The following CACNA2D2 variants were observed in gnomAD, a reference collection of about 807,000 sequenced individuals.
The protein encoded by CACNA2D2 is voltage-dependent calcium channel subunit alpha-2/delta-2.
In CACNA2D2, 48 loss-of-function variants were observed where a neutral mutation model predicts 166.4. The observed-to-expected ratio is 0.29, with a 90% CI of 0.23 to 0.37. CACNA2D2 has a LOEUF of 0.37. Ranked by LOEUF, CACNA2D2 falls within the 10% of genes least tolerant of loss-of-function variation. The pLI, the probability that CACNA2D2 is intolerant of heterozygous loss-of-function variation, is 1.00. For synonymous variants in CACNA2D2, 561 were observed against 573.7 expected (o/e 0.98, Z 0.32); for missense variants, 1,122 against 1,433.0 (o/e 0.78, Z 3.50).
chr3:50,443,946 C>A (rs1229178579), intron 2 of CACNA2D2, among the ~76,000 whole-genome samples: 1 of 152,180 alleles, frequency 6.6e-6, no homozygotes, highest in African/African-American at 2.4e-5. Context: ...ATGGAGCTCT[C>A]ATGTGAGATG....
intron 2 of CACNA2D2, among the ~76,000 whole-genome samples, chr3:50,470,260 A>C (rs1710010055): frequency 6.6e-6 from 1 of 152,200 alleles, no homozygotes; most frequent in Non-Finnish European, 1.5e-5. Flanking sequence ...GGAAGAGAGG[A>C]GGCCTGACAG....
In CACNA2D2 at chr3:50,403,813, C is replaced by G. The variant is rs1372318615; in HGVS notation, c.406-9645G>C. Reference sequence around the variant, plus strand: ...AAGCCTGGAGTGTCCTTTCTCATCCCCTCCCCTGGCTAGCTCCTCCTCATC... The same window carrying G: ...AAGCCTGGAGTGTCCTTTCTCATCCGCTCCCCTGGCTAGCTCCTCCTCATC... On this transcript the variant is annotated intron_variant, in intron 3 of 37. Coordinates refer to ENST00000424201, the MANE Select transcript of CACNA2D2 (RefSeq NM_006030.4). Among the ~76,000 whole-genome samples, 4 of 152,230 alleles carry G rather than the reference C, an allele frequency of 2.6e-5. No individual in the cohort carries two copies. The East Asian group carries it at 5.8e-4, about 22-fold the overall frequency.
At chr3:50,419,559 C>T (rs1043587383) in intron 3 of CACNA2D2, among the ~76,000 whole-genome samples, 4 of 152,120 alleles carry the variant, frequency 2.6e-5, no homozygotes, top group Non-Finnish European at 5.9e-5. Context: ...CCATTGGGCT[C>T]GGGAGTGAAC....
chr3:50,395,083 T>C (rs1706081610), intron 3 of CACNA2D2, among the ~76,000 whole-genome samples: 1 of 152,208 alleles, frequency 6.6e-6, no homozygotes, highest in Non-Finnish European at 1.5e-5. Flanking sequence ...CTCCCAAGGA[T>C]GGAACTGAGT....
At chr3:50,421,555 G>A (rs1376626136) in intron 3 of CACNA2D2, among the ~76,000 whole-genome samples, 1 of 152,062 alleles carries the variant, frequency 6.6e-6, no homozygotes, top group East Asian at 1.9e-4. Flanking sequence ...CACCTGACTC[G>A]TGGTGGGGAT....
chr3:50,446,206 G>C (rs1048943421), intron 2 of CACNA2D2, among the ~76,000 whole-genome samples: 3 of 152,232 alleles, frequency 2.0e-5, no homozygotes, highest in African/African-American at 7.2e-5. Flanking sequence ...TTGTTGCCAG[G>C]TTTGGGGGCT....
At chr3:50,450,351 A>ACCCC (rs1709039637) in intron 2 of CACNA2D2, among the ~76,000 whole-genome samples, 1 of 57,378 alleles carries the variant, frequency 1.7e-5, no homozygotes, top group African/African-American at 7.1e-5. Flanking sequence ...CGCCTCCCCT[A>ACCCC]CCCTGCCCCC....
In CACNA2D2 at chr3:50,376,090, CT is replaced by C. The variant is rs1559886320; in HGVS notation, c.1701+23del. ...CCCCATTGTGGAAGGTTTGCCCACCCTCCAGGCCACCCGTCTGGCTCACCTG... is the reference window on the plus strand; with the variant it reads ...CCCCATTGTGGAAGGTTTGCCCACCCCCAGGCCACCCGTCTGGCTCACCTG... On this transcript the variant is annotated intron_variant, in intron 18 of 37. Transcript: ENST00000424201. This position sits in a 1 kb window ranked among gnomAD's most constrained non-coding sequence, Gnocchi z 4.3. The C allele has an allele frequency of 6.2e-7, 1 of 1,613,364 alleles. No homozygotes were observed. The highest frequency in any genetic ancestry group is 2.2e-5 in the East Asian group (1 of 44,892).
In CACNA2D2 at chr3:50,481,846, A is replaced by C. The variant is rs736472; in HGVS notation, c.207-5647T>G. 6.8e-3 allele frequency among the ~76,000 whole-genome samples: 1,033 copies of C among 152,082 alleles called. 8 individuals are homozygous for C. Among genetic ancestry groups the C allele is most frequent in the African/African-American group, 0.023 (966 of 41,462 alleles). ...CCCTGTCTCTACAAAAAATACAAAA[A>C]TTATCTGGGTGTGGTATCGTACACC... On this transcript the variant is annotated intron_variant, in intron 1 of 37. Coordinates refer to ENST00000424201, the MANE Select transcript of CACNA2D2 (RefSeq NM_006030.4).
At chr3:50,447,312 C>A (rs558760910) in intron 2 of CACNA2D2, among the ~76,000 whole-genome samples, 1 of 152,180 alleles carries the variant, frequency 6.6e-6, no homozygotes, top group African/African-American at 2.4e-5. Flanking sequence ...GCCCCCTTCT[C>A]GTGGTCAGGT....
rs375779773 is a variant in CACNA2D2, at chr3:50,381,046, G to A, written c.733C>T (p.Leu245=). ...FMENRRQDPT[L]LWQVFGSATG... ...GCGCTGCCGAAGACCTGCCACAGCA[G>A]TGTGGGGTCTTGTCTGCGGTTTTCC... is the stretch of plus-strand genomic sequence containing the variant. The change falls in exon 7 of 38, where the codon CTG becomes TTG. Residue 245 remains leucine, a synonymous_variant. Coordinates refer to ENST00000424201, the MANE Select transcript of CACNA2D2 (RefSeq NM_006030.4). 6.8e-6 allele frequency: 11 copies of A among 1,613,860 alleles called. No homozygotes were observed. In the African/African-American group the frequency reaches 8.0e-5, roughly 12 times the overall value.
rs540281956 is a variant in CACNA2D2 at position 50,458,284 on chromosome 3, C to T, written c.288+17834G>A. On this transcript the variant is annotated intron_variant, in intron 2 of 37. Transcript: ENST00000424201. ...GAGAGAACCAGGCTGCTCAAGTGTCCCTGTGAGGCTAGCTGAGCTGCCTCT... is the reference window on the plus strand; with the variant it reads ...GAGAGAACCAGGCTGCTCAAGTGTCTCTGTGAGGCTAGCTGAGCTGCCTCT... 2.6e-5 allele frequency among the ~76,000 whole-genome samples: 4 copies of T among 152,304 alleles called. No homozygotes were observed. The South Asian group carries it at 8.3e-4, about 32-fold the overall frequency.
At chr3:50,374,981 G>A (rs587757073) in intron 21 of CACNA2D2, among the ~76,000 whole-genome samples, 168 bp from the exon 22 acceptor site, 5 of 152,166 alleles carry the variant, frequency 3.3e-5, no homozygotes, top group South Asian at 4.1e-4. Context: ...TCTAGGGGCC[G>A]GCACCCTGGA....
At chr3:50,382,090 TG>T (rs1705353206) in intron 6 of CACNA2D2, among the ~76,000 whole-genome samples, 1 of 151,212 alleles carries the variant, frequency 6.6e-6, no homozygotes, top group African/African-American at 2.4e-5. Context: ...AGATCCAGGA[TG>T]GTTTGAGCAG....
chr3:50,493,502 C>A (rs951915914), intron 1 of CACNA2D2, among the ~76,000 whole-genome samples: 10 of 152,142 alleles, frequency 6.6e-5, no homozygotes, highest in African/African-American at 2.4e-4. Flanking sequence ...GTAAGTTGGC[C>A]AAGGACAGAC....
At chr3:50,471,677 G>A (rs1359140959) in intron 2 of CACNA2D2, among the ~76,000 whole-genome samples, 2 of 152,216 alleles carry the variant, frequency 1.3e-5, no homozygotes, top group Non-Finnish European at 2.9e-5. Flanking sequence ...GGGACAGGGG[G>A]AGGCCTGTCT....
chr3:50,488,665 T>C (rs1395420008), intron 1 of CACNA2D2, among the ~76,000 whole-genome samples: 1 of 141,762 alleles, frequency 7.1e-6, no homozygotes, highest in Non-Finnish European at 1.5e-5. Flanking sequence ...TGCCCACAAG[T>C]GCAAAGCTTT....
chr3:50,487,068 T>C (rs1415698594), intron 1 of CACNA2D2, among the ~76,000 whole-genome samples: 1 of 152,194 alleles, frequency 6.6e-6, no homozygotes, highest in African/African-American at 2.4e-5. Context: ...ACTTCACGGA[T>C]GAGCACTCTG....
intron 1 of CACNA2D2, among the ~76,000 whole-genome samples, chr3:50,493,115 T>C (rs537805856): frequency 1.3e-5 from 2 of 152,286 alleles, no homozygotes; most frequent in Admixed American, 1.3e-4. Flanking sequence ...TATCTCCTGC[T>C]TCTTCCTTGG....
Sources: gnomAD v4.1 joint callset for allele counts (sites outside exome capture counted in the v4.1 genomes callset) on GRCh38, gnomAD v4.1.1 for gene constraint, Gnocchi (gnomAD v3.1) non-coding constraint, MANE v1.5 for transcripts, NCBI Gene and HGNC (gene_info 2026-07-23, HGNC 2026-07-21) for gene names.